The following MICAL2 variants were observed in gnomAD, a reference collection of about 807,000 sequenced individuals.
MICAL2 encodes the protein [F-actin]-monooxygenase MICAL2.
Under a neutral mutation model 127.3 loss-of-function variants are expected in MICAL2, and 77 were observed. The observed-to-expected ratio is 0.60, with a 90% CI of 0.50 to 0.73. The LOEUF (loss-of-function observed/expected upper bound fraction) is 0.73. Among genes scored for constraint, MICAL2 ranks in the 30% least tolerant of loss-of-function variants. MICAL2 has a pLI of 0.00. For missense variants in MICAL2, 1,351 were observed against 1,434.4 expected (o/e 0.94, Z 0.94); for synonymous variants, 570 against 551.1 (o/e 1.03, Z -0.48).
chr11:12,271,316 A>T (rs1863673372), upstream of MICAL2, among the ~76,000 whole-genome samples: 1 of 152,146 alleles, frequency 6.6e-6, no homozygotes, highest in Non-Finnish European at 1.5e-5. Flanking sequence ...ATGAGCAAAG[A>T]TGGCTTCAGG....
At chr11:12,145,703 G>A (rs1383702157) in intron 2 of MICAL2, among the ~76,000 whole-genome samples, 1 of 152,156 alleles carries the variant, frequency 6.6e-6, no homozygotes, top group Non-Finnish European at 1.5e-5. Flanking sequence ...TCTGACTCAG[G>A]CAGGGCTCAC....
At chr11:12,286,188 C>T (rs920783742) in intron 2 of MICAL2, among the ~76,000 whole-genome samples, 1 of 152,188 alleles carries the variant, frequency 6.6e-6, no homozygotes, top group East Asian at 1.9e-4. Flanking sequence ...AATATGTTTC[C>T]CTTGGAACCA....
chr11:12,312,644 T>C (rs542916359), intron 29 of MICAL2, among the ~76,000 whole-genome samples: 212 of 152,330 alleles, frequency 1.4e-3, no homozygotes, highest in African/African-American at 4.7e-3. Context: ...CATGGGAGTC[T>C]TCAGAATTCA....
intron 22 of MICAL2, among the ~76,000 whole-genome samples, chr11:12,251,699 C>T (rs116629745): frequency 1.2e-3 from 180 of 151,850 alleles, no homozygotes; most frequent in African/African-American, 4.2e-3. Context: ...TGGTCTTCAT[C>T]CTGGATCCCC....
At chr11:12,359,290 A>T (rs1348911838), downstream of MICAL2, 1 of 152,016 alleles carries the variant, frequency 6.6e-6, no homozygotes, top group Non-Finnish European at 1.5e-5. Context: ...ATTTTCAGAA[A>T]ATGAATGATT....
intron 3 of MICAL2, among the ~76,000 whole-genome samples, chr11:12,168,959 A>AAAAAG (rs201405052): frequency 5.1e-5 from 1 of 19,680 alleles, no homozygotes; most frequent in African/African-American, 8.6e-5. Context: ...AAAAAAAAAA[A>AAAAAG]AAAAGAAAAG....
chr11:12,230,630 C>G (rs1296457495), intron 15 of MICAL2, among the ~76,000 whole-genome samples: 1 of 152,168 alleles, frequency 6.6e-6, no homozygotes, highest in Non-Finnish European at 1.5e-5. Flanking sequence ...GCATCTTCAT[C>G]TGAAGAGGAT....
chr11:12,316,179 G>C (rs1419089357), intron 29 of MICAL2, among the ~76,000 whole-genome samples: 1 of 151,746 alleles, frequency 6.6e-6, no homozygotes, highest in Non-Finnish European at 1.5e-5. Flanking sequence ...ATTTATTATA[G>C]ACAATATATA....
At chr11:12,265,844 G>A (rs1470106986), downstream of MICAL2, among the ~76,000 whole-genome samples, 1 of 152,106 alleles carries the variant, frequency 6.6e-6, no homozygotes, top group Non-Finnish European at 1.5e-5. Context: ...GGCCAGGTGC[G>A]GTAGCTCACA....
chr11:12,317,666 C>A (rs138471947), intron 29 of MICAL2, among the ~76,000 whole-genome samples: 3,248 of 152,190 alleles, frequency 0.021, 73 homozygotes, highest in East Asian at 0.11. Flanking sequence ...TTGGTGGGCA[C>A]CTGTAATCCC....
chr11:12,156,325 G>T (rs1854184615), intron 2 of MICAL2, among the ~76,000 whole-genome samples: 1 of 152,218 alleles, frequency 6.6e-6, no homozygotes, highest in Admixed American at 6.5e-5. Context: ...ATGGAAAGGG[G>T]CTTGGGCTTC....
chr11:12,258,926 G>A (rs1446776171), intron 25 of MICAL2, among the ~76,000 whole-genome samples: 1 of 152,234 alleles, frequency 6.6e-6, no homozygotes, highest in Admixed American at 6.5e-5. Flanking sequence ...GCCTGGTATA[G>A]GACCGACCCT....
intron 30 of MICAL2, among the ~76,000 whole-genome samples, chr11:12,321,818 G>A (rs1864300879): frequency 6.6e-6 from 1 of 152,058 alleles, no homozygotes; most frequent in Non-Finnish European, 1.5e-5. Flanking sequence ...TGATGCTGTT[G>A]AGGCAATTCC....
intron 2 of MICAL2, among the ~76,000 whole-genome samples, chr11:12,145,001 A>G (rs995839579): frequency 3.3e-5 from 5 of 152,198 alleles, no homozygotes; most frequent in South Asian, 2.1e-4. Flanking sequence ...TGATAGCAGC[A>G]TATTTTCCGT....
intron 15 of MICAL2, among the ~76,000 whole-genome samples, chr11:12,228,513 C>G (rs1857780761): frequency 6.6e-6 from 1 of 152,142 alleles, no homozygotes. Flanking sequence ...GAGCCTTGAC[C>G]TTGGAGTCCA....
At chr11:12,360,892 ATT>A (rs201617569), downstream of MICAL2, among the ~76,000 whole-genome samples, 27 of 152,288 alleles carry the variant, frequency 1.8e-4, 1 homozygote, top group East Asian at 4.8e-3. Context: ...CCATTTCAAC[ATT>A]TCCAATGGAC....
rs1862428267 is a variant in MICAL2 at position 12,257,039 on chromosome 11, C to T, written c.3142+68C>T. On this transcript the variant is annotated intron_variant, in intron 24 of 27. Transcript: ENST00000683283. ...CTCAGGTGTGACCTTGGCTCGGGTT[C>T]CTGTCCCTCTGGTGGCTCTAGGACA... The T allele has an allele frequency of 7.4e-6, 11 of 1,494,308 alleles. No homozygotes were observed. The East Asian group carries it at 2.3e-4, about 31-fold the overall frequency. The allele number at this position is 1,494,308 out of a possible 1,614,324, so 92.6% of individuals were successfully genotyped here. A position where few individuals can be genotyped will look rare whatever the true frequency, so the allele number is the denominator to read the frequency against.
chr11:12,319,127 T>G (rs1864262960), intron 29 of MICAL2, among the ~76,000 whole-genome samples: 1 of 152,116 alleles, frequency 6.6e-6, no homozygotes, highest in Admixed American at 6.5e-5. Flanking sequence ...GTCCTTTTGC[T>G]TCTGATTACA....
intron 21 of MICAL2, among the ~76,000 whole-genome samples, chr11:12,247,645 G>C (rs1395714966): frequency 6.6e-6 from 1 of 152,180 alleles, no homozygotes. Flanking sequence ...CTCACCCATT[G>C]CCTTGACTTC....
Sources: gnomAD v4.1 joint callset for allele counts (sites outside exome capture counted in the v4.1 genomes callset) on GRCh38, gnomAD v4.1.1 for gene constraint, MANE v1.5 for transcripts, NCBI Gene and HGNC (gene_info 2026-07-23, HGNC 2026-07-21) for gene names.